HDAC9: variants seen among roughly 807,000 people sequenced by gnomAD.
HDAC9 encodes histone deacetylase 9.
HDAC9 carries 41 observed loss-of-function variants against 139.4 expected under a neutral mutation model. That is an observed-to-expected ratio of 0.29 (90% CI 0.23 to 0.38). HDAC9 has a LOEUF of 0.38. HDAC9 is among the 10% of genes least tolerant of loss of function. HDAC9 has a pLI of 1.00. For missense variants in HDAC9, 1,147 were observed against 1,297.0 expected, an observed-to-expected ratio of 0.88 and a Z score of 1.78; for synonymous variants, 517 against 476.2, an observed-to-expected ratio of 1.09 and a Z score of -1.12.
chr7:18,693,769 G>T (rs1782838523), intron 12 of HDAC9, among the ~76,000 whole-genome samples: 1 of 152,172 alleles, frequency 6.6e-6, no homozygotes, highest in South Asian at 2.1e-4. Context: ...TGAAATTAAA[G>T]AATTGCTAAA....
intron 25 of HDAC9, among the ~76,000 whole-genome samples, chr7:18,992,027 G>C (rs1051006364): frequency 6.6e-6 from 1 of 152,226 alleles, no homozygotes; most frequent in Non-Finnish European, 1.5e-5. Context: ...AGCATGGGTG[G>C]AGATGTGGGG....
intron 1 of HDAC9, among the ~76,000 whole-genome samples, chr7:18,361,686 C>A (rs1199557042): frequency 6.6e-6 from 1 of 152,004 alleles, no homozygotes; most frequent in African/African-American, 2.4e-5. Context: ...ATGGTTAATT[C>A]TACTTCTGTT....
intron 1 of HDAC9, among the ~76,000 whole-genome samples, chr7:18,412,711 A>G (rs1294424938): frequency 6.6e-6 from 1 of 152,200 alleles, no homozygotes; most frequent in African/African-American, 2.4e-5. Flanking sequence ...TCATAATAAA[A>G]AGTATATGCC....
chr7:18,477,705 T>C (rs1166349994), intron 1 of HDAC9, among the ~76,000 whole-genome samples: 2 of 152,190 alleles, frequency 1.3e-5, no homozygotes, highest in African/African-American at 2.4e-5. Context: ...TTTAATGTTA[T>C]GTCGATTCTT....
intron 2 of HDAC9, among the ~76,000 whole-genome samples, chr7:18,175,947 C>CT (rs1384736848): frequency 6.6e-6 from 1 of 152,038 alleles, no homozygotes; most frequent in East Asian, 1.9e-4. Context: ...GGAAAGTGTT[C>CT]TGGGTGAGCT....
At chr7:18,638,790 A>G (rs1204314917) in intron 8 of HDAC9, among the ~76,000 whole-genome samples, 1 of 152,036 alleles carries the variant, frequency 6.6e-6, no homozygotes, top group East Asian at 1.9e-4. Flanking sequence ...TTTCCTACAT[A>G]TGCTCAGTCC....
At chr7:18,842,384 A>C (rs1301032371) in intron 21 of HDAC9, among the ~76,000 whole-genome samples, 1 of 152,146 alleles carries the variant, frequency 6.6e-6, no homozygotes, top group African/African-American at 2.4e-5. Context: ...GAAAGACTTG[A>C]CTAATAAAGA....
At chr7:18,979,276 C>A (rs1468220884) in intron 25 of HDAC9, among the ~76,000 whole-genome samples, 1 of 151,940 alleles carries the variant, frequency 6.6e-6, no homozygotes, top group Non-Finnish European at 1.5e-5. Context: ...ATCAATAGTT[C>A]CAATGACATC....
intron 1 of HDAC9, among the ~76,000 whole-genome samples, chr7:18,143,713 G>C (rs1033472102): frequency 6.6e-6 from 1 of 151,378 alleles, no homozygotes; most frequent in African/African-American, 2.4e-5. Context: ...TTGAACTCAG[G>C]AGGCAGGAGG....
intron 1 of HDAC9, among the ~76,000 whole-genome samples, chr7:18,461,456 T>G (rs1417942032): frequency 6.6e-6 from 1 of 152,184 alleles, no homozygotes; most frequent in Non-Finnish European, 1.5e-5. Context: ...AAAGTTTTGG[T>G]CATATCCAAT....
At chr7:18,379,877 G>A (rs1398180841) in intron 1 of HDAC9, among the ~76,000 whole-genome samples, 1 of 152,134 alleles carries the variant, frequency 6.6e-6, no homozygotes, top group African/African-American at 2.4e-5. Flanking sequence ...ATTTCCTAAA[G>A]GATCAGTTAG....
intron 1 of HDAC9, among the ~76,000 whole-genome samples, chr7:18,341,486 G>A (rs1048226254): frequency 2.0e-5 from 3 of 151,510 alleles, no homozygotes; most frequent in Non-Finnish European, 4.4e-5. Flanking sequence ...GTATCTTCAG[G>A]TATGCTAATC....
At chr7:18,571,611 ATTTTATTTTTTATT>A (rs946057468) in intron 2 of HDAC9, among the ~76,000 whole-genome samples, 18 of 151,850 alleles carry the variant, frequency 1.2e-4, no homozygotes, top group Admixed American at 1.2e-3. Context: ...TTAAAACTTT[ATTTTATTTTTTATT>A]TTTTATTTTT....
At chr7:18,887,039 T>C (rs10276724) in intron 22 of HDAC9, among the ~76,000 whole-genome samples, 37,185 of 152,144 alleles carry the variant, frequency 0.24, 4,583 homozygotes, top group South Asian at 0.35. Flanking sequence ...TATGGAATAG[T>C]ATGTGACCAA....
Position 18,732,286 on chromosome 7 carries a change from C to G in HDAC9, c.1909+4529C>G, listed in dbSNP as rs186907049. On this transcript the variant is annotated intron_variant, in intron 13 of 25. Transcript: ENST00000686413. ...TAGAATATTATAATGGAAAGTCACT[C>G]ATTATTCTCCCACTCAGAGGTAACC... Among the ~76,000 whole-genome samples, 7 of 152,260 alleles carry G rather than the reference C, an allele frequency of 4.6e-5. No homozygotes were observed. The East Asian group carries it at 1.4e-3, about 29-fold the overall frequency.
At chr7:18,155,012 C>T (rs1337483522) in intron 1 of HDAC9, among the ~76,000 whole-genome samples, 1 of 151,976 alleles carries the variant, frequency 6.6e-6, no homozygotes, top group South Asian at 2.1e-4. Context: ...ACTATTACTT[C>T]CTTTTCACAA....
rs188541246 is a variant in HDAC9 at position 18,627,430 on chromosome 7, C to G, written c.665-1920C>G. On this transcript the variant is annotated intron_variant, in intron 6 of 25. Coordinates refer to ENST00000686413, the MANE Select transcript of HDAC9 (RefSeq NM_178425.4). ...ATTCATGGTTCTTTATTTTTCCTTT[C>G]TAGGTTTTAGATAAATATATTTATT... Among the ~76,000 whole-genome samples the G allele has an allele frequency of 1.3e-3, 196 of 152,228 alleles. 5 individuals are homozygous for G. The highest frequency in any genetic ancestry group is 0.012 in the Admixed American group (181 of 15,286).
At chr7:18,778,457 G>A (rs535312426) in intron 16 of HDAC9, among the ~76,000 whole-genome samples, 1 of 152,010 alleles carries the variant, frequency 6.6e-6, no homozygotes, top group Non-Finnish European at 1.5e-5. Context: ...CTGTAGGAAT[G>A]AGGCTCTAAT....
chr7:18,355,336 G>T (rs781666218), intron 1 of HDAC9, among the ~76,000 whole-genome samples: 1 of 151,990 alleles, frequency 6.6e-6, no homozygotes, highest in African/African-American at 2.4e-5. Flanking sequence ...CAAGAGTCTG[G>T]GTTCTTGGGA....
Sources: allele counts gnomAD v4.1 joint callset (sites outside exome capture counted in the v4.1 genomes callset), GRCh38; gene constraint gnomAD v4.1.1; transcripts MANE v1.5; gene names NCBI Gene and HGNC (gene_info 2026-07-23, HGNC 2026-07-21).